The following CFAP61 variants were observed in gnomAD, a reference collection of about 807,000 sequenced individuals.
The protein encoded by CFAP61 is cilia- and flagella-associated protein 61.
Under a neutral mutation model 135.6 loss-of-function variants are expected in CFAP61, and 107 were observed. The ratio of observed to expected loss-of-function variants is 0.79; its 90% CI spans 0.67 to 0.93. The LOEUF is 0.93. CFAP61 is among the 40% of genes least tolerant of loss of function. CFAP61 has a pLI of 0.00. For missense variants in CFAP61, 1,507 were observed against 1,556.2 expected (o/e 0.97, Z 0.53); for synonymous variants, 575 against 578.5 (o/e 0.99, Z 0.09).
At chr20:20,280,610 CT>C (rs1357238808) in intron 22 of CFAP61, among the ~76,000 whole-genome samples, 1 of 152,112 alleles carries the variant, frequency 6.6e-6, no homozygotes, top group Admixed American at 6.5e-5. Context: ...ATAGTTCATT[CT>C]TTTTTATGGC....
chr20:20,253,182 CTTCT>C (rs1269018243), intron 20 of CFAP61: 2 of 122,992 alleles, frequency 1.6e-5, no homozygotes, highest in African/African-American at 6.2e-5. Flanking sequence ...TTCTTCCTTC[CTTCT>C]TTTTTCCTTC....
At chr20:20,190,847 G>A (rs2055871548) in intron 14 of CFAP61, among the ~76,000 whole-genome samples, 1 of 152,124 alleles carries the variant, frequency 6.6e-6, no homozygotes, top group South Asian at 2.1e-4. Context: ...GGCCAGGTAT[G>A]GTGGCTCACG....
intron 8 of CFAP61, among the ~76,000 whole-genome samples, chr20:20,116,296 G>A (rs555305920): frequency 1.3e-5 from 2 of 151,926 alleles, no homozygotes; most frequent in South Asian, 4.2e-4. Context: ...TTTTGCTATT[G>A]AATTATTTGA....
chr20:20,067,663 A>AT (rs374637754), intron 2 of CFAP61, among the ~76,000 whole-genome samples: 5 of 138,618 alleles, frequency 3.6e-5, no homozygotes, highest in East Asian at 2.3e-4. Context: ...ATATATATAT[A>AT]ATATATATAT....
At chr20:20,190,857 G>A (rs1281643196) in intron 14 of CFAP61, among the ~76,000 whole-genome samples, 7 of 152,208 alleles carry the variant, frequency 4.6e-5, no homozygotes, top group Non-Finnish European at 8.8e-5. Context: ...GGTGGCTCAC[G>A]CGTGCAATCC....
intron 17 of CFAP61, among the ~76,000 whole-genome samples, chr20:20,210,020 C>CGTGCTCT (rs1470671069): frequency 6.6e-6 from 1 of 152,164 alleles, no homozygotes; most frequent in Non-Finnish European, 1.5e-5. Flanking sequence ...CCTGGAGCTA[C>CGTGCTCT]GTGCTCTCTT....
At chr20:20,294,912 G>A (rs1169441866) in intron 24 of CFAP61, among the ~76,000 whole-genome samples, 4 of 149,478 alleles carry the variant, frequency 2.7e-5, no homozygotes, top group African/African-American at 7.4e-5. Flanking sequence ...TCCGGCCTGG[G>A]CGACAGAGCG....
intron 8 of CFAP61, among the ~76,000 whole-genome samples, chr20:20,109,440 A>G (rs1420897667): frequency 1.3e-5 from 2 of 152,102 alleles, no homozygotes; most frequent in Non-Finnish European, 2.9e-5. Context: ...CCTTGGGTAA[A>G]TGATGCTCTT....
intron 17 of CFAP61, among the ~76,000 whole-genome samples, chr20:20,212,252 C>G (rs544756163): frequency 6.6e-6 from 1 of 152,266 alleles, no homozygotes; most frequent in South Asian, 2.1e-4. Flanking sequence ...TCTCCAGGCC[C>G]CTGAGGACTC....
chr20:20,084,401 CCTGCTGCTG>C (rs3060422), intron 6 of CFAP61, among the ~76,000 whole-genome samples: 64 of 150,808 alleles, frequency 4.2e-4, no homozygotes, highest in East Asian at 2.0e-3. Flanking sequence ...GCGGAGGTGG[CCTGCTGCTG>C]CTGCTGCTGC....
chr20:20,311,927 G>T (rs1464457056), intron 25 of CFAP61, among the ~76,000 whole-genome samples: 1 of 152,178 alleles, frequency 6.6e-6, no homozygotes, highest in East Asian at 1.9e-4. Flanking sequence ...GTACACAAAA[G>T]GGACTCATCT....
At chr20:20,155,334 A>G (rs942061930) in intron 9 of CFAP61, among the ~76,000 whole-genome samples, 2 of 152,120 alleles carry the variant, frequency 1.3e-5, no homozygotes, top group Non-Finnish European at 2.9e-5. Flanking sequence ...AGAAGATAAC[A>G]TTGGAAAAAA....
chr20:20,140,128 ATTTTTTTTTTT>A (rs3060428), intron 8 of CFAP61, among the ~76,000 whole-genome samples: 34 of 97,298 alleles, frequency 3.5e-4, no homozygotes, highest in Non-Finnish European at 3.8e-4. Flanking sequence ...GGTGCTGGAA[ATTTTTTTTTTT>A]TTTTTTTTTT....
intron 13 of CFAP61, among the ~76,000 whole-genome samples, chr20:20,177,675 G>A (rs1317644587): frequency 7.3e-5 from 11 of 150,610 alleles, no homozygotes; most frequent in Non-Finnish European, 1.5e-4. Context: ...TTGCCCTCAC[G>A]GGGGGCCTGC....
At chr20:20,172,796 C>A (rs1347088057) in intron 13 of CFAP61, among the ~76,000 whole-genome samples, 1 of 152,198 alleles carries the variant, frequency 6.6e-6, no homozygotes, top group Non-Finnish European at 1.5e-5. Context: ...ATCATTATCA[C>A]CCAATGTCCA....
Position 20,129,543 on chromosome 20 carries a change from T to G in CFAP61, c.860-13314T>G, listed in dbSNP as rs533041493. ...TATTATATGCCTTGGGGGAGTCTTATTTGAGTCACATCTGTTTGATGCTCT... is the reference window on the plus strand; with the variant it reads ...TATTATATGCCTTGGGGGAGTCTTAGTTGAGTCACATCTGTTTGATGCTCT... On this transcript the variant is annotated intron_variant, in intron 8 of 26. Transcript: ENST00000245957. 1.4e-4 allele frequency among the ~76,000 whole-genome samples: 21 copies of G among 151,800 alleles called. 1 individual carries two copies. The highest frequency in any genetic ancestry group is 4.6e-4 in the African/African-American group (19 of 41,124).
At chr20:20,252,152 C>T (rs974643337) in intron 20 of CFAP61, among the ~76,000 whole-genome samples, 1 of 152,180 alleles carries the variant, frequency 6.6e-6, no homozygotes, top group Non-Finnish European at 1.5e-5. Flanking sequence ...AATGGGCTCT[C>T]GCAAAAGTAT....
chr20:20,294,519 T>C lies in CFAP61; in HGVS notation c.3217-3662T>C, dbSNP rs559982583. Among the ~76,000 whole-genome samples the C allele has an allele frequency of 4.6e-5, 7 of 152,358 alleles. No homozygotes were observed. In the East Asian group the frequency reaches 1.2e-3, roughly 25 times the overall value. On this transcript the variant is annotated intron_variant, in intron 24 of 26. Coordinates refer to ENST00000245957, the MANE Select transcript of CFAP61 (RefSeq NM_015585.4). Reference sequence around the variant, plus strand: ...GCAACCTCCTCATCGCTTTCTCTAGTGTAGCTGCTTCTGGACTCTAAGCCC... The same window carrying C: ...GCAACCTCCTCATCGCTTTCTCTAGCGTAGCTGCTTCTGGACTCTAAGCCC...
At chr20:20,057,883 G>GTT (rs1054353451) in intron 2 of CFAP61, among the ~76,000 whole-genome samples, 3 of 151,836 alleles carry the variant, frequency 2.0e-5, no homozygotes, top group African/African-American at 7.3e-5. Context: ...ATGCCTAGCT[G>GTT]TTTTTGTTTG....
Sources: gnomAD v4.1 joint callset for allele counts (sites outside exome capture counted in the v4.1 genomes callset) on GRCh38, gnomAD v4.1.1 for gene constraint, MANE v1.5 for transcripts, NCBI Gene and HGNC (gene_info 2026-07-23, HGNC 2026-07-21) for gene names.